ZNF91: variants seen among roughly 807,000 people sequenced by gnomAD.
ZNF91 encodes zinc finger protein 91 (HPF7, HTF10).
ZNF91 carries 7 observed loss-of-function variants against 12.6 expected under a neutral mutation model. That is an observed-to-expected ratio of 0.55 (90% CI 0.31 to 1.04). The LOEUF (loss-of-function observed/expected upper bound fraction) is 1.04. Ranked by LOEUF, ZNF91 falls within the 50% of genes least tolerant of loss-of-function variation. ZNF91 has a pLI of 0.05. For missense variants in ZNF91, 1,217 were observed against 1,385.4 expected (o/e 0.88, Z 1.93); for synonymous variants, 453 against 462.6 (o/e 0.98, Z 0.27).
At chr19:23,322,802 T>C (rs60926215) in intron 1 of ZNF91, among the ~76,000 whole-genome samples, 30,353 of 37,308 alleles carry the variant, frequency 0.81, 12,479 homozygotes, top group East Asian at 0.98. Flanking sequence ...TCCTCCTCCA[T>C]TTCTCCCCCA....
At chr19:23,340,208 A>C (rs1968093555) in intron 3 of ZNF91, 1 of 152,182 alleles carries the variant, frequency 6.6e-6, no homozygotes, top group East Asian at 1.9e-4. Flanking sequence ...ACCAAATGAC[A>C]TGAAGTCCAA....
chr19:23,376,631 T>C (rs1969513299), intron 1 of ZNF91, among the ~76,000 whole-genome samples: 1 of 152,112 alleles, frequency 6.6e-6, no homozygotes, highest in African/African-American at 2.4e-5. Context: ...TCAGGTGATC[T>C]GCCCGCCTCG....
intron 1 of ZNF91, among the ~76,000 whole-genome samples, chr19:23,309,983 C>T (rs1336419462): frequency 6.6e-6 from 1 of 152,164 alleles, no homozygotes; most frequent in African/African-American, 2.4e-5. Context: ...TTGTGACATT[C>T]ATTTGTGAAT....
chr19:23,329,469 C>T (rs1057172907), intron 1 of ZNF91, among the ~76,000 whole-genome samples: 2 of 152,036 alleles, frequency 1.3e-5, no homozygotes, highest in South Asian at 2.1e-4. Flanking sequence ...TGCTTAATGT[C>T]TTAGAGATGT....
rs375907196 is a variant in ZNF91, at chr19:23,374,656, T to G, written c.139A>C (p.Arg47=). ...TCCTTACCCAGGAAGGCCAGGTTTC[T>G]GTAGTTCTCTAACATCACATTCCTA... The part of the protein sequence containing the change: ...LYRNVMLENY[R]NLAFLGIALS... The change falls in exon 2 of 4, where the codon AGA becomes CGA. Residue 47 remains arginine (R), a synonymous_variant. Transcript: ENST00000300619. 3 of 1,612,210 alleles carry G rather than the reference T, an allele frequency of 1.9e-6. No individual in the cohort carries two copies. The African/African-American group carries it at 4.0e-5, about 22-fold the overall frequency.
chr19:23,390,502 C>T (rs1970028174), intron 1 of ZNF91, among the ~76,000 whole-genome samples: 1 of 152,080 alleles, frequency 6.6e-6, no homozygotes, highest in South Asian at 2.1e-4. Flanking sequence ...ATTATGATGC[C>T]CACCACCACC....
At chr19:23,384,618 A>T in intron 1 of ZNF91, 4 of 822,206 alleles carry the variant, frequency 4.9e-6, no homozygotes, top group Non-Finnish European at 6.9e-6. Flanking sequence ...TCCCGATATC[A>T]TCAGTCCCCC....
chr19:23,383,376 C>G (rs934845917), intron 1 of ZNF91, among the ~76,000 whole-genome samples: 1 of 152,134 alleles, frequency 6.6e-6, no homozygotes, highest in Non-Finnish European at 1.5e-5. Context: ...CCCTCAGCCC[C>G]AATATACTGA....
At chr19:23,318,619 G>A (rs538993028) in intron 1 of ZNF91, among the ~76,000 whole-genome samples, 68 of 152,274 alleles carry the variant, frequency 4.5e-4, no homozygotes, top group Middle Eastern at 6.8e-3. Context: ...TGAACTATTT[G>A]ATGTGACTCT....
At chr19:23,315,594 C>G (rs1459555629), upstream of ZNF91, among the ~76,000 whole-genome samples, 4 of 151,182 alleles carry the variant, frequency 2.6e-5, no homozygotes, top group African/African-American at 9.9e-5. Flanking sequence ...TTTCTTGGAC[C>G]TGTCCACAGT....
chr19:23,335,618 C>T (rs972837119), downstream of ZNF91, among the ~76,000 whole-genome samples: 3 of 152,242 alleles, frequency 2.0e-5, no homozygotes, highest in Non-Finnish European at 4.4e-5. Context: ...ATGGGACCCT[C>T]CGTGCCAGGC....
chr19:23,386,998 GA>G (rs1270158270), intron 1 of ZNF91, among the ~76,000 whole-genome samples: 2 of 152,194 alleles, frequency 1.3e-5, no homozygotes. Context: ...CAAGAAACAT[GA>G]AAAAGATGCT....
chr19:23,319,177 G>A (rs954700594), intron 1 of ZNF91, among the ~76,000 whole-genome samples: 2 of 152,166 alleles, frequency 1.3e-5, no homozygotes, highest in African/African-American at 4.8e-5. Flanking sequence ...TACTTCTTGG[G>A]CTCTGACCAA....
Position 23,361,854 on chromosome 19 carries a change from C to G in ZNF91, c.1125G>C (p.Glu375Asp), listed in dbSNP as rs200420271. Residue 375 changes from glutamate (E) to aspartate (D), a missense_variant, in exon 4 of 4, where the codon GAG (glutamate) becomes GAC (aspartate). Glu to Asp is a conservative substitution (Grantham distance 45). Around this residue, in one of 2 missense-constraint regions of ZNF91, gnomAD observed 726 missense variants for 895.5 expected, o/e 0.81. Transcript: ENST00000300619. ...LANHKITHTE[E>D]KPYKCKECDK... ...CACATTCTTTACATTTGTAGGGTTTCTCTTCAGTATGAGTTATCTTATGAT... is the reference window on the plus strand; with the variant it reads ...CACATTCTTTACATTTGTAGGGTTTGTCTTCAGTATGAGTTATCTTATGAT... 1 of 1,607,586 alleles carries G rather than the reference C, an allele frequency of 6.2e-7. No homozygotes were observed.
At chr19:23,378,627 A>AT (rs1969589327) in intron 1 of ZNF91, among the ~76,000 whole-genome samples, 1 of 152,216 alleles carries the variant, frequency 6.6e-6, no homozygotes, top group African/African-American at 2.4e-5. Flanking sequence ...TTAGCAGGGC[A>AT]TAAAAAATAC....
intron 3 of ZNF91, among the ~76,000 whole-genome samples, chr19:23,346,375 T>C (rs764001634): frequency 5.3e-5 from 8 of 152,010 alleles, no homozygotes; most frequent in Admixed American, 2.6e-4. Context: ...AGGACCCCAC[T>C]GAGATTATCA....
chr19:23,392,241 C>A (rs1253140030), intron 1 of ZNF91, among the ~76,000 whole-genome samples: 2 of 151,344 alleles, frequency 1.3e-5, no homozygotes, highest in African/African-American at 4.9e-5. Context: ...ACTAAAAATA[C>A]ACAAATTAGC....
intron 3 of ZNF91, among the ~76,000 whole-genome samples, chr19:23,348,452 A>G (rs1003691510): frequency 6.6e-6 from 1 of 152,178 alleles, no homozygotes; most frequent in Non-Finnish European, 1.5e-5. Context: ...TTTCATGGAC[A>G]TTTATCACTT....
At chr19:23,354,337 A>C (rs1164279311), downstream of ZNF91, among the ~76,000 whole-genome samples, 1 of 152,210 alleles carries the variant, frequency 6.6e-6, no homozygotes, top group African/African-American at 2.4e-5. Flanking sequence ...AATGTGATAC[A>C]CCACATAAAT....
Sources: gnomAD v4.1 joint callset for allele counts (sites outside exome capture counted in the v4.1 genomes callset) on GRCh38, gnomAD v4.1.1 for gene constraint, gnomAD v4.1.1 regional missense constraint, MANE v1.5 for transcripts, NCBI Gene and HGNC (gene_info 2026-07-23, HGNC 2026-07-21) for gene names.